The following IQCJ variants were observed in gnomAD, a reference collection of about 807,000 sequenced individuals.
IQCJ encodes IQ domain-containing protein J.
IQCJ carries 9 observed loss-of-function variants against 11.0 expected under a neutral mutation model. The ratio of observed to expected loss-of-function variants is 0.82; its 90% CI spans 0.49 to 1.43. IQCJ has a LOEUF of 1.43. IQCJ is among the 40% of genes most tolerant of loss of function. The pLI, the probability that IQCJ is intolerant of heterozygous loss-of-function variation, is 0.00. For synonymous variants in IQCJ, 55 were observed against 51.3 expected (o/e 1.07, Z -0.31); for missense variants, 146 against 133.2 (o/e 1.10, Z -0.47).
intron 1 of IQCJ, among the ~76,000 whole-genome samples, chr3:159,223,527 C>T (rs944927835): frequency 6.6e-6 from 1 of 152,128 alleles, no homozygotes; most frequent in African/African-American, 2.4e-5. Context: ...AGAACTAAGA[C>T]TCTGGTTTGG....
chr3:159,256,006 G>A (rs144500246), intron 3 of IQCJ, among the ~76,000 whole-genome samples: 1,802 of 152,310 alleles, frequency 0.012, 23 homozygotes, highest in Non-Finnish European at 0.018. Context: ...GGCTTAGTGA[G>A]AAGGCCTCGC....
chr3:159,230,907 A>G (rs1726210196), intron 1 of IQCJ, among the ~76,000 whole-genome samples: 1 of 152,190 alleles, frequency 6.6e-6, no homozygotes, highest in Non-Finnish European at 1.5e-5. Flanking sequence ...AAAAATAGCC[A>G]TATTCAAACC....
At chr3:159,162,978 G>A (rs1441865678) in intron 1 of IQCJ, among the ~76,000 whole-genome samples, 4 of 152,110 alleles carry the variant, frequency 2.6e-5, no homozygotes, top group East Asian at 1.9e-4. Flanking sequence ...ATTCACAGCC[G>A]AATTCTACCA....
chr3:159,124,507 G>A lies in IQCJ; in HGVS notation c.9+55066G>A, dbSNP rs538292008. Among the ~76,000 whole-genome samples, 4 of 152,132 alleles carry A rather than the reference G, an allele frequency of 2.6e-5. No homozygotes were observed. The South Asian group carries it at 6.2e-4, about 24-fold the overall frequency. On this transcript the variant is annotated intron_variant, in intron 1 of 3. Coordinates refer to ENST00000397832, the MANE Select transcript of IQCJ (RefSeq NM_001042706.3). ...CAAGGGCCCCATTCTTCAGCTGTCA[G>A]CTCAACTCTCACCTCAACTCTCACC...
intron 1 of IQCJ, among the ~76,000 whole-genome samples, chr3:159,120,566 A>T (rs1010602488): frequency 6.6e-6 from 1 of 152,224 alleles, no homozygotes; most frequent in Non-Finnish European, 1.5e-5. Flanking sequence ...GTTTAGGAAA[A>T]CAGGACTTGG....
intron 1 of IQCJ, among the ~76,000 whole-genome samples, chr3:159,119,663 T>C (rs190020499): frequency 2.0e-5 from 3 of 152,322 alleles, no homozygotes; most frequent in East Asian, 1.9e-4. Context: ...CTTCAGAATG[T>C]TGTCAACATT....
chr3:159,108,022 A>AG (rs1471524052), intron 1 of IQCJ, among the ~76,000 whole-genome samples: 190 of 151,414 alleles, frequency 1.3e-3, no homozygotes, highest in African/African-American at 4.1e-3. Flanking sequence ...AAAAAAAAAA[A>AG]AAAGAAAAAA....
intron 1 of IQCJ, among the ~76,000 whole-genome samples, chr3:159,215,446 T>C (rs1192249662): frequency 6.6e-6 from 1 of 152,156 alleles, no homozygotes; most frequent in East Asian, 1.9e-4. Flanking sequence ...TGCCATATTT[T>C]CCGATACTTT....
intron 1 of IQCJ, among the ~76,000 whole-genome samples, chr3:159,168,696 C>T (rs1208044809): frequency 6.6e-6 from 1 of 152,050 alleles, no homozygotes; most frequent in Non-Finnish European, 1.5e-5. Context: ...CAGCTTATTT[C>T]TAACAGTGAT....
chr3:159,197,843 A>C (rs1234329542), intron 1 of IQCJ, among the ~76,000 whole-genome samples: 1 of 151,126 alleles, frequency 6.6e-6, no homozygotes, highest in African/African-American at 2.4e-5. Flanking sequence ...TTTTTTTTTT[A>C]ATCAGAAGCA....
At chr3:159,143,201 G>T (rs1451216361) in intron 1 of IQCJ, among the ~76,000 whole-genome samples, 2 of 152,118 alleles carry the variant, frequency 1.3e-5, no homozygotes, top group African/African-American at 4.8e-5. Context: ...CAGCATCTTT[G>T]GTAGCAATGC....
At chr3:159,251,343 T>A (rs1459907468) in intron 2 of IQCJ, among the ~76,000 whole-genome samples, 1 of 151,960 alleles carries the variant, frequency 6.6e-6, no homozygotes, top group Non-Finnish European at 1.5e-5. Context: ...TTCTAACTAG[T>A]TTTATGTCAC....
chr3:159,191,302 G>A (rs1421197475), intron 1 of IQCJ, among the ~76,000 whole-genome samples: 1 of 152,120 alleles, frequency 6.6e-6, no homozygotes, highest in Non-Finnish European at 1.5e-5. Flanking sequence ...CAGTTAAGAT[G>A]ATGAAGATGA....
chr3:159,228,531 C>CT (rs1442150882), intron 1 of IQCJ, among the ~76,000 whole-genome samples: 1 of 152,210 alleles, frequency 6.6e-6, no homozygotes, highest in Non-Finnish European at 1.5e-5. Flanking sequence ...TGGCTCACGC[C>CT]TGTAATCCTA....
chr3:159,169,431 A>C (rs1442501209), intron 1 of IQCJ, among the ~76,000 whole-genome samples: 1 of 151,562 alleles, frequency 6.6e-6, no homozygotes, highest in Non-Finnish European at 1.5e-5. Flanking sequence ...GATTACAGGC[A>C]CATGCCACCA....
intron 1 of IQCJ, among the ~76,000 whole-genome samples, chr3:159,091,674 G>GCACACA (rs1170628138): frequency 0.03 from 2,425 of 81,170 alleles, 38 homozygotes; most frequent in South Asian, 0.042. Context: ...ACACACGCAT[G>GCACACA]CACACACACA....
At chr3:159,150,409 C>G (rs541620077) in intron 1 of IQCJ, among the ~76,000 whole-genome samples, 3 of 152,224 alleles carry the variant, frequency 2.0e-5, no homozygotes, top group African/African-American at 7.2e-5. Context: ...GGGCTGAGGG[C>G]TGCTCCTGGA....
intron 1 of IQCJ, among the ~76,000 whole-genome samples, chr3:159,079,314 G>C (rs150897839): frequency 2.0e-5 from 3 of 152,030 alleles, no homozygotes; most frequent in African/African-American, 7.2e-5. Flanking sequence ...GCAACCTGAT[G>C]ATCTTCTTGC....
chr3:159,103,237 C>T (rs767487589), intron 1 of IQCJ, among the ~76,000 whole-genome samples: 6 of 152,162 alleles, frequency 3.9e-5, no homozygotes, highest in Non-Finnish European at 5.9e-5. Flanking sequence ...AGTTGTAAAA[C>T]GTATACACAA....
Sources: gnomAD v4.1 joint callset for allele counts (sites outside exome capture counted in the v4.1 genomes callset) on GRCh38, gnomAD v4.1.1 for gene constraint, MANE v1.5 for transcripts, NCBI Gene and HGNC (gene_info 2026-07-23, HGNC 2026-07-21) for gene names.